The following PLD1 variants were observed in gnomAD, a reference collection of about 807,000 sequenced individuals.
The protein encoded by PLD1 is choline phosphatase 1.
A neutral mutation model predicts 137.1 loss-of-function variants in PLD1; 112 were observed. The ratio of observed to expected loss-of-function variants is 0.82; its 90% CI spans 0.70 to 0.96. The LOEUF is 0.96. Among genes scored for constraint, PLD1 ranks in the 40% least tolerant of loss-of-function variants. The pLI is 0.00. For synonymous variants in PLD1, 431 were observed against 454.7 expected (o/e 0.95, Z 0.66); for missense variants, 1,321 against 1,342.0 (o/e 0.98, Z 0.24).
chr3:171,692,059 A>G (rs1300141677), intron 13 of PLD1, among the ~76,000 whole-genome samples: 2 of 152,202 alleles, frequency 1.3e-5, no homozygotes, highest in African/African-American at 4.8e-5. Flanking sequence ...GAGCTCGTGA[A>G]TATCAAAACA....
At chr3:171,672,041 C>T (rs548482491) in intron 19 of PLD1, among the ~76,000 whole-genome samples, 1 of 147,318 alleles carries the variant, frequency 6.8e-6, no homozygotes, top group Middle Eastern at 3.2e-3. Flanking sequence ...TCTCTAAGAG[C>T]GAATGGGTTA....
intron 1 of PLD1, among the ~76,000 whole-genome samples, chr3:171,763,831 T>C (rs75828906): frequency 1.1e-4 from 1 of 9,352 alleles, no homozygotes; most frequent in Admixed American, 1.6e-3. Context: ...TCTTTCTTTC[T>C]TTTTTTTTTT....
At chr3:171,608,802 A>G (rs954872814) in intron 25 of PLD1, among the ~76,000 whole-genome samples, 2 of 152,166 alleles carry the variant, frequency 1.3e-5, no homozygotes, top group Middle Eastern at 3.2e-3. Flanking sequence ...AACAAGCACC[A>G]GGAGAAGACA....
chr3:171,696,946 G>C (rs546281718), intron 12 of PLD1, among the ~76,000 whole-genome samples: 1 of 152,306 alleles, frequency 6.6e-6, no homozygotes, highest in South Asian at 2.1e-4. Context: ...TGGTGTTCAC[G>C]AGGGACCTCG....
chr3:171,634,833 G>T (rs1489603340), intron 23 of PLD1, among the ~76,000 whole-genome samples: 2 of 151,868 alleles, frequency 1.3e-5, no homozygotes, highest in Non-Finnish European at 2.9e-5. Flanking sequence ...TGTTTTATAA[G>T]TAGTACATTC....
Position 171,709,689 on chromosome 3 carries a change from T to C in PLD1, c.932A>G (p.Asn311Ser), listed in dbSNP as rs769212086. 1 of 1,612,218 alleles carries C rather than the reference T, an allele frequency of 6.2e-7. No homozygotes were observed. Among genetic ancestry groups the C allele is most frequent in the South Asian group, 1.1e-5 (1 of 90,472 alleles). The change falls in exon 10 of 27, where the codon AAC becomes AGC. Residue 311 changes from asparagine (N) to serine (S), a missense_variant. Coordinates refer to ENST00000351298, the MANE Select transcript of PLD1 (RefSeq NM_002662.5). ...NLSRTLILKC[N>S]SYRHARWWGG... ...CCACCACCGAGCATGTCTATAGCTGTTGCATTTTAAAATAAGTGTCCTTTA... is the reference window on the plus strand; with the variant it reads ...CCACCACCGAGCATGTCTATAGCTGCTGCATTTTAAAATAAGTGTCCTTTA...
intron 11 of PLD1, among the ~76,000 whole-genome samples, chr3:171,701,373 G>A (rs1372457025): frequency 1.3e-5 from 2 of 152,210 alleles, no homozygotes; most frequent in Non-Finnish European, 2.9e-5. Context: ...ATGCATTGCT[G>A]TGCACTGCTA....
intron 4 of PLD1, 33 bp from the exon 5 acceptor site, chr3:171,735,003 A>G (rs1429714196): frequency 8.5e-7 from 1 of 1,182,840 alleles, no homozygotes; most frequent in Non-Finnish European, 1.3e-6. Flanking sequence ...GCAAACACCT[A>G]CTAGATTATT....
At chr3:171,669,908 C>T (rs1712568337) in intron 19 of PLD1, among the ~76,000 whole-genome samples, 1 of 152,212 alleles carries the variant, frequency 6.6e-6, no homozygotes, top group Admixed American at 6.5e-5. Flanking sequence ...TCATATGTCA[C>T]AGAGCTGAGA....
intron 19 of PLD1, among the ~76,000 whole-genome samples, chr3:171,663,031 G>T (rs1560192740): frequency 6.6e-6 from 1 of 152,206 alleles, no homozygotes; most frequent in Non-Finnish European, 1.5e-5. Context: ...CATCACCTCA[G>T]ATTAAACCCA....
chr3:171,647,414 G>A (rs1227674961), intron 21 of PLD1, among the ~76,000 whole-genome samples: 5 of 150,964 alleles, frequency 3.3e-5, no homozygotes, highest in African/African-American at 1.2e-4. Flanking sequence ...ATTTTATTGT[G>A]GTAAAATACA....
intron 24 of PLD1, among the ~76,000 whole-genome samples, chr3:171,614,086 C>T (rs1030689852): frequency 6.6e-6 from 1 of 152,168 alleles, no homozygotes; most frequent in South Asian, 2.1e-4. Flanking sequence ...CCTGAAGAGA[C>T]TTTACTGCCT....
chr3:171,765,838 G>C (rs1292578733), intron 1 of PLD1, among the ~76,000 whole-genome samples: 4 of 152,138 alleles, frequency 2.6e-5, no homozygotes, highest in African/African-American at 4.8e-5. Flanking sequence ...CAGACATCTG[G>C]ACATATTGAA....
intron 1 of PLD1, among the ~76,000 whole-genome samples, chr3:171,756,053 C>T (rs1721006845): frequency 6.6e-6 from 1 of 152,170 alleles, no homozygotes; most frequent in Non-Finnish European, 1.5e-5. Flanking sequence ...TAAATCCAGC[C>T]AAATTCTAAA....
intron 6 of PLD1, among the ~76,000 whole-genome samples, chr3:171,727,980 T>A (rs538301491): frequency 6.6e-6 from 1 of 152,302 alleles, no homozygotes; most frequent in East Asian, 1.9e-4. Flanking sequence ...GTCAAAGGTA[T>A]CTTCATACAG....
intron 21 of PLD1, among the ~76,000 whole-genome samples, chr3:171,651,161 T>C (rs1736729965): frequency 6.6e-6 from 1 of 152,240 alleles, no homozygotes; most frequent in African/African-American, 2.4e-5. Flanking sequence ...GGAAGCTTGA[T>C]ATGCTTCGCT....
chr3:171,788,725 T>C (rs2108348739), intron 1 of PLD1: 1 of 152,348 alleles, frequency 6.6e-6, no homozygotes, highest in South Asian at 2.1e-4. Flanking sequence ...CATCTGCTTG[T>C]GGTTATCTAC....
intron 1 of PLD1, among the ~76,000 whole-genome samples, chr3:171,791,300 C>T (rs1259368264): frequency 6.6e-6 from 1 of 152,102 alleles, no homozygotes; most frequent in Non-Finnish European, 1.5e-5. Context: ...TCTAATTTTC[C>T]CCAAACCAAC....
At chr3:171,662,994 G>T (rs923624740) in intron 19 of PLD1, among the ~76,000 whole-genome samples, 2 of 152,170 alleles carry the variant, frequency 1.3e-5, no homozygotes, top group African/African-American at 4.8e-5. Context: ...CATGTGTGTG[G>T]CATGCCAGTC....
Sources: gnomAD v4.1 joint callset for allele counts (sites outside exome capture counted in the v4.1 genomes callset) on GRCh38, gnomAD v4.1.1 for gene constraint, MANE v1.5 for transcripts, NCBI Gene and HGNC (gene_info 2026-07-23, HGNC 2026-07-21) for gene names.